MAPK10: variants seen among roughly 807,000 people sequenced by gnomAD.
MAPK10 encodes JNK3 alpha protein kinase.
A neutral mutation model predicts 59.3 loss-of-function variants in MAPK10; 25 were observed. The ratio of observed to expected loss-of-function variants is 0.42; its 90% CI spans 0.31 to 0.59. The LOEUF (loss-of-function observed/expected upper bound fraction) is 0.59, where lower values mean the gene tolerates loss of function less well. MAPK10 is among the 20% of genes least tolerant of loss of function. MAPK10 has a pLI of 0.15. For missense variants in MAPK10, 351 were observed against 568.9 expected (o/e 0.62, Z 3.90); for synonymous variants, 190 against 200.5 (o/e 0.95, Z 0.44).
chr4:86,384,470 C>T (rs1741199099), intron 1 of MAPK10, among the ~76,000 whole-genome samples: 1 of 152,104 alleles, frequency 6.6e-6, no homozygotes, highest in African/African-American at 2.4e-5. Context: ...CTCCCCCGAA[C>T]TTTATTCTAT....
intron 2 of MAPK10, among the ~76,000 whole-genome samples, chr4:86,284,893 G>C (rs1159174161): frequency 6.6e-6 from 1 of 152,116 alleles, no homozygotes; most frequent in South Asian, 2.1e-4. Context: ...TCAAGGGCTT[G>C]GAGTAAGAAA....
At chr4:86,375,168 G>C (rs1423672721) in intron 1 of MAPK10, among the ~76,000 whole-genome samples, 1 of 152,134 alleles carries the variant, frequency 6.6e-6, no homozygotes, top group Non-Finnish European at 1.5e-5. Context: ...TGATCAGAGT[G>C]CTCAGAAATG....
intron 1 of MAPK10, among the ~76,000 whole-genome samples, chr4:86,372,564 G>GAAAGA (rs1554253765): frequency 0.024 from 1,910 of 78,460 alleles, 59 homozygotes; most frequent in African/African-American, 0.03. Flanking sequence ...AAGAAAGAAA[G>GAAAGA]AAAGAAAAGA....
chr4:86,074,977 C>T (rs2048946200), intron 9 of MAPK10, among the ~76,000 whole-genome samples: 1 of 145,478 alleles, frequency 6.9e-6, no homozygotes, highest in Admixed American at 6.8e-5. Flanking sequence ...TGGATAATAT[C>T]CTGCAGAGTG....
intron 4 of MAPK10, among the ~76,000 whole-genome samples, chr4:86,153,740 G>A (rs1028564765): frequency 6.6e-6 from 1 of 152,062 alleles, no homozygotes; most frequent in Admixed American, 6.6e-5. Context: ...AAATATGTGT[G>A]GCCTGTACTG....
intron 1 of MAPK10, among the ~76,000 whole-genome samples, chr4:86,460,551 CA>C (rs1279435918): frequency 2.6e-5 from 4 of 152,174 alleles, no homozygotes; most frequent in Non-Finnish European, 4.4e-5. Flanking sequence ...CAAATCTGGC[CA>C]TAAACTGGCC....
At chr4:86,240,537 C>T (rs2092647784) in intron 2 of MAPK10, among the ~76,000 whole-genome samples, 1 of 152,152 alleles carries the variant, frequency 6.6e-6, no homozygotes, top group Admixed American at 6.6e-5. Context: ...GTATTGGGTG[C>T]ATACATATTT....
At chr4:86,548,475 G>A (rs1472122791) in intron 1 of MAPK10, among the ~76,000 whole-genome samples, 13 of 152,130 alleles carry the variant, frequency 8.5e-5, no homozygotes, top group South Asian at 8.3e-4. Flanking sequence ...TTGGATCTCT[G>A]TCCCCACTAA....
Position 86,395,495 on chromosome 4 carries a change from A to C in MAPK10, c.-121-40851T>G, listed in dbSNP as rs972306665. On this transcript the variant is annotated intron_variant, in intron 1 of 13. Coordinates refer to the MAPK10 transcript ENST00000361569. Reference sequence around the variant, plus strand: ...GCAAAAGAATGCATGATGTAACTGAATCATTATAATAAAATGGTTCAGCAA... The same window carrying C: ...GCAAAAGAATGCATGATGTAACTGACTCATTATAATAAAATGGTTCAGCAA... 3.2e-4 allele frequency among the ~76,000 whole-genome samples: 49 copies of C among 152,196 alleles called. 1 individual carries two copies. Among genetic ancestry groups the C allele is most frequent in the Non-Finnish European group, 4.9e-4 (33 of 68,038 alleles).
chr4:86,389,246 C>T (rs1426509308), intron 1 of MAPK10, among the ~76,000 whole-genome samples: 1 of 152,144 alleles, frequency 6.6e-6, no homozygotes, highest in Non-Finnish European at 1.5e-5. Context: ...TTGTGAGTTT[C>T]CTAAGGCCTC....
intron 5 of MAPK10, among the ~76,000 whole-genome samples, chr4:86,103,608 A>C (rs1298778590): frequency 2.6e-5 from 4 of 152,070 alleles, no homozygotes; most frequent in Non-Finnish European, 4.4e-5. Flanking sequence ...GCAGTAAAAC[A>C]CTCAGTGAGA....
At chr4:86,423,475 A>C (rs1746797455) in intron 1 of MAPK10, among the ~76,000 whole-genome samples, 1 of 152,190 alleles carries the variant, frequency 6.6e-6, no homozygotes, top group East Asian at 1.9e-4. Flanking sequence ...GCATTTAATA[A>C]AACTAAACAA....
chr4:86,418,407 GATTAAA>G (rs1746112660), intron 1 of MAPK10, among the ~76,000 whole-genome samples: 1 of 152,078 alleles, frequency 6.6e-6, no homozygotes, highest in African/African-American at 2.4e-5. Flanking sequence ...CAACTAGAGA[GATTAAA>G]ATTAAAAGTT....
At chr4:86,583,187 C>A (rs779664033) in intron 1 of MAPK10, among the ~76,000 whole-genome samples, 2 of 151,004 alleles carry the variant, frequency 1.3e-5, no homozygotes, top group African/African-American at 4.9e-5. Flanking sequence ...ATTTTCTTTT[C>A]TTTTTTTTTG....
intron 3 of MAPK10, among the ~76,000 whole-genome samples, chr4:86,161,268 T>C (rs1161556926): frequency 6.6e-6 from 1 of 152,064 alleles, no homozygotes; most frequent in African/African-American, 2.4e-5. Context: ...AAGCAGTTTG[T>C]GGAGCATGAG....
At chr4:86,157,550 A>T (rs2068192525) in intron 4 of MAPK10, among the ~76,000 whole-genome samples, 1 of 151,924 alleles carries the variant, frequency 6.6e-6, no homozygotes, top group Non-Finnish European at 1.5e-5. Context: ...ATGTACTCTG[A>T]CAGTTGTGCA....
intron 11 of MAPK10, among the ~76,000 whole-genome samples, chr4:86,042,610 G>A (rs2041790626): frequency 6.6e-6 from 1 of 152,058 alleles, no homozygotes; most frequent in African/African-American, 2.4e-5. Context: ...CAAGCAAAAA[G>A]TTGTTATCAG....
chr4:86,197,916 A>G (rs904973122), intron 2 of MAPK10, among the ~76,000 whole-genome samples: 1 of 152,286 alleles, frequency 6.6e-6, no homozygotes, highest in African/African-American at 2.4e-5. Context: ...ACTATGAATT[A>G]ATAGAATACA....
intron 1 of MAPK10, among the ~76,000 whole-genome samples, chr4:86,374,526 C>A (rs937525429): frequency 5.3e-5 from 8 of 152,146 alleles, no homozygotes; most frequent in African/African-American, 1.9e-4. Flanking sequence ...GGAAAGGTGG[C>A]AGTCAGAGCA....
Sources: gnomAD v4.1 joint callset for allele counts (sites outside exome capture counted in the v4.1 genomes callset) on GRCh38, gnomAD v4.1.1 for gene constraint, MANE v1.5 for transcripts, NCBI Gene and HGNC (gene_info 2026-07-23, HGNC 2026-07-21) for gene names.